The following SH3YL1 variants were observed in gnomAD, a reference collection of about 807,000 sequenced individuals.
SH3YL1 encodes SH3 domain-containing YSC84-like protein 1.
SH3YL1 carries 41 observed loss-of-function variants against 45.8 expected under a neutral mutation model. The ratio of observed to expected loss-of-function variants is 0.89; its 90% CI spans 0.70 to 1.16. SH3YL1 has a LOEUF of 1.16. Ranked by LOEUF, SH3YL1 falls within the 50% of genes most tolerant of loss-of-function variation. The pLI is 0.00. For missense variants in SH3YL1, 389 were observed against 409.6 expected, an observed-to-expected ratio of 0.95 and a Z score of 0.43; for synonymous variants, 152 against 151.4, an observed-to-expected ratio of 1.00 and a Z score of -0.03.
chr2:250,726 C>T (rs971549328), intron 2 of SH3YL1, among the ~76,000 whole-genome samples: 1 of 152,158 alleles, frequency 6.6e-6, no homozygotes, highest in African/African-American at 2.4e-5. Flanking sequence ...CAAGAGAACA[C>T]TAAAATTCTC....
At chr2:264,239 G>A (rs369221887), upstream of SH3YL1, 807 of 468,154 alleles carry the variant, frequency 1.7e-3, 4 homozygotes, top group African/African-American at 0.015. Context: ...GCCCCGCGGC[G>A]GCTCCAAGCA....
In SH3YL1 at chr2:231,089, T is replaced by A; in HGVS notation, c.636A>T (p.Glu212Asp). The change falls in exon 7 of 10, where the codon GAA becomes GAT. Residue 212 changes from glutamate (E) to aspartate (D), a missense_variant. Coordinates refer to ENST00000356150, the MANE Select transcript of SH3YL1 (RefSeq NM_015677.4). ...TTCGTTGTCCTTCATTTTCATACTT[T>A]TCAGTAAAGGAATCAAGAATTTCAT... ...DLYEILDSFT[E>D]KYENEGQRIN... is the part of the protein sequence containing the mutation. 2 of 1,614,148 alleles carry A rather than the reference T, an allele frequency of 1.2e-6. No individual in the cohort carries two copies. The highest frequency in any genetic ancestry group is 1.7e-6 in the Non-Finnish European group (2 of 1,179,992).
chr2:242,955 A>G, intron 4 of SH3YL1: 1 of 835,292 alleles, frequency 1.2e-6, no homozygotes, highest in Non-Finnish European at 1.7e-6. Context: ...CCAAAGAGAT[A>G]TAACAATTAT....
chr2:226,350 C>T (rs1667783722), intron 8 of SH3YL1, among the ~76,000 whole-genome samples: 1 of 152,068 alleles, frequency 6.6e-6, no homozygotes, highest in African/African-American at 2.4e-5. Flanking sequence ...GAGAAAGCAA[C>T]AAATATCCCA....
At chr2:237,613 T>C (rs1668363619) in intron 4 of SH3YL1, among the ~76,000 whole-genome samples, 2 of 152,170 alleles carry the variant, frequency 1.3e-5, no homozygotes, top group Admixed American at 1.3e-4. Context: ...TTGTGTTTTA[T>C]TTATAAGATC....
upstream of SH3YL1, chr2:264,063 G>T: frequency 1.5e-6 from 2 of 1,354,000 alleles, no homozygotes; most frequent in Non-Finnish European, 1.9e-6. Context: ...CGCGGACAAG[G>T]AGGCCCCAGC....
chr2:242,147 T>A (rs1668572455), intron 4 of SH3YL1: 1 of 152,038 alleles, frequency 6.6e-6, no homozygotes, highest in African/African-American at 2.4e-5. Flanking sequence ...AAAGTTGTCT[T>A]GGAGTAAGGA....
At chr2:262,458 T>C (rs780636780) in intron 1 of SH3YL1, 25 of 546,226 alleles carry the variant, frequency 4.6e-5, no homozygotes, top group Non-Finnish European at 5.6e-5. Context: ...ATTCCTGCCC[T>C]TCCTCTTCTC....
chr2:219,127 A>C (rs762283995), intron 9 of SH3YL1, 126 bp from the exon 10 acceptor site: 136 of 612,034 alleles, frequency 2.2e-4, no homozygotes, highest in Middle Eastern at 6.2e-4. Flanking sequence ...GGCAGAAACC[A>C]CAACAGTCTG....
intron 5 of SH3YL1, among the ~76,000 whole-genome samples, chr2:233,549 T>C (rs1668154549): frequency 1.3e-5 from 2 of 152,256 alleles, no homozygotes; most frequent in Non-Finnish European, 2.9e-5. Flanking sequence ...CGGATCTTCC[T>C]CTCTTAAAAC....
chr2:251,383 T>C (rs1304281158), intron 2 of SH3YL1, among the ~76,000 whole-genome samples: 4 of 152,222 alleles, frequency 2.6e-5, no homozygotes, highest in Non-Finnish European at 5.9e-5. Context: ...AATGTAAACA[T>C]AATGCCCCCC....
chr2:260,262 T>TA (rs1208241200), intron 1 of SH3YL1: 7 of 152,210 alleles, frequency 4.6e-5, no homozygotes, highest in African/African-American at 1.7e-4. Flanking sequence ...AGATGCTGGA[T>TA]ACATTTGAAT....
intron 4 of SH3YL1, chr2:242,234 T>C (rs866962117): frequency 3.3e-5 from 5 of 152,060 alleles, no homozygotes; most frequent in Non-Finnish European, 5.9e-5. Flanking sequence ...AAGGTTAATA[T>C]AGCAAGTTCA....
chr2:253,466 T>C (rs920745099), intron 1 of SH3YL1, among the ~76,000 whole-genome samples: 3 of 152,208 alleles, frequency 2.0e-5, no homozygotes, highest in Admixed American at 2.0e-4. Flanking sequence ...CTAATTCTAA[T>C]GCGTTAGCTG....
chr2:245,549 G>T (rs2103042436), intron 4 of SH3YL1, among the ~76,000 whole-genome samples: 1 of 152,246 alleles, frequency 6.6e-6, no homozygotes, highest in Non-Finnish European at 1.5e-5. Flanking sequence ...ATCTTTAACT[G>T]TGTTTTGCAG....
chr2:259,944 T>C (rs931058865), intron 1 of SH3YL1: 19 of 152,040 alleles, frequency 1.2e-4, no homozygotes, highest in Non-Finnish European at 2.9e-5. Context: ...GACCCAAGTA[T>C]GGCAACAAAA....
intron 4 of SH3YL1, among the ~76,000 whole-genome samples, chr2:246,320 T>TA (rs1187307478): frequency 1.3e-5 from 2 of 152,238 alleles, no homozygotes; most frequent in African/African-American, 4.8e-5. Context: ...TCAGGGCTTC[T>TA]AATGTGCCCT....
At chr2:263,681 C>T (rs898853644) in intron 1 of SH3YL1, 5 of 369,354 alleles carry the variant, frequency 1.4e-5, no homozygotes, top group African/African-American at 4.2e-5. Flanking sequence ...GAAGGATGGT[C>T]GCTGACACCT....
chr2:253,450 T>A (rs1669166890), intron 1 of SH3YL1, among the ~76,000 whole-genome samples: 1 of 152,172 alleles, frequency 6.6e-6, no homozygotes, highest in African/African-American at 2.4e-5. Context: ...CACTGCTCAT[T>A]ATACACTAAT....
Sources: gnomAD v4.1 joint callset for allele counts (sites outside exome capture counted in the v4.1 genomes callset) on GRCh38, gnomAD v4.1.1 for gene constraint, MANE v1.5 for transcripts, NCBI Gene and HGNC (gene_info 2026-07-23, HGNC 2026-07-21) for gene names.